VAMP5: variants seen among roughly 807,000 people sequenced by gnomAD.
VAMP5 encodes vesicle-associated membrane protein 5.
VAMP5 carries 10 observed loss-of-function variants against 8.1 expected under a neutral mutation model. The observed-to-expected ratio is 1.23, with a 90% CI of 0.76 to 2.09. VAMP5 has a LOEUF of 2.09. VAMP5 is among the 30% of genes most tolerant of loss of function. VAMP5 has a pLI of 0.00. For missense variants in VAMP5, 135 were observed against 152.5 expected (o/e 0.89, Z 0.60); for synonymous variants, 62 against 60.6 (o/e 1.02, Z -0.11).
chr2:85,584,556 A>G lies in VAMP5; in HGVS notation c.3+63A>G, dbSNP rs998253386. 1.2e-4 allele frequency: 152 copies of G among 1,232,208 alleles called. 1 individual carries two copies. The highest frequency in any genetic ancestry group is 1.3e-4 in the Non-Finnish European group (131 of 987,750). 76.3% of individuals were successfully genotyped at this position (1,232,208 alleles called of 1,614,324 possible). On this transcript the variant is annotated intron_variant, in intron 1 of 2. Coordinates refer to ENST00000306384, the MANE Select transcript of VAMP5 (RefSeq NM_006634.3). The stretch of plus-strand genomic sequence containing the variant: ...GCAGAGGGCGAGTGGCGAGGGTGGG[A>G]GAGAGGAGTCCAAAGTCCGCGGGCT...
intron 1 of VAMP5, among the ~76,000 whole-genome samples, chr2:85,587,253 A>C (rs1314475717): frequency 7.0e-6 from 1 of 143,772 alleles, no homozygotes; most frequent in Non-Finnish European, 1.5e-5. Flanking sequence ...GACCACCTGT[A>C]TTACACAATT....
At position 85,593,250 on chromosome 2, in the gene VAMP5, A is replaced by G. The variant is rs1049359; in HGVS notation, c.*93A>G. On this transcript the variant is annotated 3_prime_UTR_variant, in exon 3 of 3. Transcript: ENST00000306384. ...TGTTTGCTCTCCCTTGACCCACCCC[A>G]GTGAGTGCCAAAGGGCAGCCCCAAC... The G allele has an allele frequency of 0.058, 79,684 of 1,375,988 alleles. 2,655 individuals are homozygous for G. The highest frequency in any genetic ancestry group is 0.094 in the Middle Eastern group (391 of 4,160). The allele number at this position is 1,375,988 out of a possible 1,614,324, so 85.2% of individuals were successfully genotyped here. A position where few individuals can be genotyped will look rare whatever the true frequency, so the allele number is the denominator to read the frequency against.
At chr2:85,584,554 G>T in intron 1 of VAMP5, 61 bp downstream of exon 1, 4 of 1,232,528 alleles carry the variant, frequency 3.2e-6, no homozygotes, top group Non-Finnish European at 4.0e-6. Context: ...GGCGAGGGTG[G>T]GAGAGAGGAG....
intron 1 of VAMP5, among the ~76,000 whole-genome samples, chr2:85,586,139 C>T (rs1444063853): frequency 3.9e-5 from 6 of 152,190 alleles, no homozygotes. Context: ...AGTGTCTGAC[C>T]TCCTTGTACC....
intron 1 of VAMP5, among the ~76,000 whole-genome samples, chr2:85,586,631 A>T (rs965040735): frequency 1.3e-5 from 2 of 152,016 alleles, no homozygotes; most frequent in African/African-American, 4.8e-5. Context: ...ATGGCCTTCA[A>T]TGGGTTGTTG....
chr2:85,592,812 A>G (rs1672562424), intron 2 of VAMP5, 136 bp from the exon 3 acceptor site: 3 of 824,934 alleles, frequency 3.6e-6, no homozygotes, highest in East Asian at 5.2e-5. Context: ...AAAAAAAAAA[A>G]AAAAGAAAGA....
intron 1 of VAMP5, among the ~76,000 whole-genome samples, chr2:85,590,664 C>T (rs1166804351): frequency 6.6e-6 from 1 of 152,142 alleles, no homozygotes; most frequent in Non-Finnish European, 1.5e-5. Context: ...AAGAAGCTTG[C>T]CCTTCTTGTA....
chr2:85,591,890 G>C (rs755887245), intron 2 of VAMP5, 28 bp downstream of exon 2: 1 of 1,613,622 alleles, frequency 6.2e-7, no homozygotes, highest in Non-Finnish European at 8.5e-7. Flanking sequence ...GCATGGAGGG[G>C]AGGGGAGAGG....
chr2:85,591,640 G>A (rs1440321068), intron 1 of VAMP5, 85 bp from the exon 2 acceptor site: 1 of 1,587,486 alleles, frequency 6.3e-7, no homozygotes, highest in Non-Finnish European at 8.6e-7. Context: ...CACCTACAGG[G>A]GGAGAAGGAG....
Position 85,593,143 on chromosome 2 carries a change from G to C in VAMP5, c.337G>C (p.Gly113Arg), listed in dbSNP as rs1216471015. Residue 113 changes from glycine (G) to arginine (R), a missense_variant, in exon 3 of 3, where the codon GGG (glycine) becomes CGG (arginine). By Grantham distance (125) the Gly-to-Arg change is moderately radical. Transcript: ENST00000306384. The part of the protein sequence containing the change: ...PRTQDAGIAS[G>R]PGN ...GACCCAGGATGCAGGCATTGCCTCA[G>C]GGCCTGGGAACTGACCCAGCTGGTC... 6.2e-7 allele frequency: 1 copy of C among 1,614,204 alleles called. No homozygotes were observed. The highest frequency in any genetic ancestry group is 8.5e-7 in the Non-Finnish European group (1 of 1,180,030).
rs1672572368 is a variant in VAMP5 at position 85,593,087 on chromosome 2, CT to C, written c.282del (p.Gln95ArgfsTer55). ...ATTGTGCTGCTGGTCGTCTTTCTCC[CT>C]CAGAGCAGTGACAGCAGTAGTGCCC... ...ILIVLLVVFL[P>X]QSSDSSSAPR... On this transcript the variant is annotated frameshift_variant, in exon 3 of 3. Transcript: ENST00000306384. LOFTEE classifies it low-confidence loss of function (END_TRUNC). The C allele has an allele frequency of 6.2e-7, 1 of 1,614,226 alleles. No homozygotes were observed. Among genetic ancestry groups the C allele is most frequent in the Non-Finnish European group, 8.5e-7 (1 of 1,180,040 alleles).
chr2:85,593,086 C>T lies in VAMP5; in HGVS notation c.280C>T (p.Pro94Ser). 6.2e-7 allele frequency: 1 copy of T among 1,614,218 alleles called. No homozygotes were observed. Among genetic ancestry groups the T allele is most frequent in the Non-Finnish European group, 8.5e-7 (1 of 1,180,048 alleles). Residue 94 changes from proline to serine, a missense_variant, in exon 3 of 3, where the codon CCT (proline) becomes TCT (serine). Pro to Ser is a moderately conservative substitution (Grantham distance 74). Coordinates refer to ENST00000306384, the MANE Select transcript of VAMP5 (RefSeq NM_006634.3). ...ILIVLLVVFL[P>S]QSSDSSSAPR... Reference sequence around the variant, plus strand: ...GATTGTGCTGCTGGTCGTCTTTCTCCCTCAGAGCAGTGACAGCAGTAGTGC... The same window carrying T: ...GATTGTGCTGCTGGTCGTCTTTCTCTCTCAGAGCAGTGACAGCAGTAGTGC...
chr2:85,592,511 G>C (rs1192750111), intron 2 of VAMP5, among the ~76,000 whole-genome samples: 5 of 152,238 alleles, frequency 3.3e-5, no homozygotes, highest in East Asian at 1.9e-4. Context: ...TATAGAAAGA[G>C]AGCAGACAAG....
Position 85,584,468 on chromosome 2 carries a change from G to A in VAMP5, c.-23G>A. 8.0e-7 allele frequency: 1 copy of A among 1,243,886 alleles called. No homozygotes were observed. The highest frequency in any genetic ancestry group is 1.0e-6 in the Non-Finnish European group (1 of 995,166). The allele number at this position is 1,243,886 out of a possible 1,614,324, so 77.1% of individuals were successfully genotyped here. ...CCGCAGGCAGAGAAGCCGGGAGCGGGCGAGGCGGCGGCGGCAGCAGCGATG... is the reference window on the plus strand; with the variant it reads ...CCGCAGGCAGAGAAGCCGGGAGCGGACGAGGCGGCGGCGGCAGCAGCGATG... On this transcript the variant is annotated 5_prime_UTR_variant, in exon 1 of 3. Coordinates refer to ENST00000306384, the MANE Select transcript of VAMP5 (RefSeq NM_006634.3).
At chr2:85,591,479 G>C in intron 1 of VAMP5, 1 of 491,170 alleles carries the variant, frequency 2.0e-6, no homozygotes. Flanking sequence ...GCTGGAAGCC[G>C]GGACTTACCT....
Position 85,591,740 on chromosome 2 carries a change from G to C in VAMP5, c.19G>C (p.Glu7Gln), listed in dbSNP as rs887322180. 6 of 1,613,996 alleles carry C rather than the reference G, an allele frequency of 3.7e-6. No individual in the cohort carries two copies. Among genetic ancestry groups the C allele is most frequent in the Admixed American group, 1.7e-5 (1 of 60,000 alleles). Reference protein sequence around the residue: MAGIELERCQQQANEVT... With the variant: MAGIELQRCQQQANEVT... ...TGGTGTCCAGGCAGGAATAGAGTTGGAGCGGTGCCAGCAGCAGGCGAACGA... is the reference window on the plus strand; with the variant it reads ...TGGTGTCCAGGCAGGAATAGAGTTGCAGCGGTGCCAGCAGCAGGCGAACGA... Residue 7 changes from glutamate to glutamine, a missense_variant, in exon 2 of 3, where the codon GAG becomes CAG. Glu to Gln is a conservative substitution (Grantham distance 29). Transcript: ENST00000306384.
rs146297915 is a variant in VAMP5, at chr2:85,592,947, G to T, written c.142-1G>T. The stretch of plus-strand genomic sequence containing the variant: ...CACTTTGTGTCTGGGGGTATCCGCA[G>T]AGCTCAACCTTCAACAAGACTACAC... On this transcript the variant is annotated splice_acceptor_variant, in intron 2 of 2. Transcript: ENST00000306384. LOFTEE classifies it high-confidence loss of function. The T allele has an allele frequency of 1.4e-5, 22 of 1,613,524 alleles. No homozygotes were observed. Among genetic ancestry groups the T allele is most frequent in the Non-Finnish European group, 1.5e-5 (18 of 1,180,022 alleles).
chr2:85,591,036 A>C lies in VAMP5; in HGVS notation c.4-689A>C, dbSNP rs151204136. On this transcript the variant is annotated intron_variant, in intron 1 of 2. Coordinates refer to ENST00000306384, the MANE Select transcript of VAMP5 (RefSeq NM_006634.3). ...CTCTGTAAGTTGGACCCCAGTGAGG[A>C]CCCCAGCTGAGTGGAAGGCTGGAGG... is the stretch of plus-strand genomic sequence containing the variant. Among the ~76,000 whole-genome samples the C allele has an allele frequency of 6.8e-4, 103 of 152,244 alleles. No homozygotes were observed. The Middle Eastern group carries it at 0.037, about 55-fold the overall frequency.
chr2:85,587,892 T>G (rs1672488328), intron 1 of VAMP5, among the ~76,000 whole-genome samples: 1 of 152,190 alleles, frequency 6.6e-6, no homozygotes. Context: ...TACCGGTACT[T>G]GCGCCCATTC....
Sources: allele counts gnomAD v4.1 joint callset (sites outside exome capture counted in the v4.1 genomes callset), GRCh38; gene constraint gnomAD v4.1.1; transcripts MANE v1.5; gene names NCBI Gene and HGNC (gene_info 2026-07-23, HGNC 2026-07-21).